RFC3: variants seen among roughly 807,000 people sequenced by gnomAD.
RFC3 encodes the protein replication factor C subunit 3, also known as A1 38 kDa subunit.
A neutral mutation model predicts 45.1 loss-of-function variants in RFC3; 41 were observed. The ratio of observed to expected loss-of-function variants is 0.91; its 90% CI spans 0.71 to 1.18. The LOEUF (loss-of-function observed/expected upper bound fraction) is 1.18, where lower values mean the gene tolerates loss of function less well. Ranked by LOEUF, RFC3 falls within the 50% of genes most tolerant of loss-of-function variation. The pLI is 0.00. For missense variants in RFC3, 423 were observed against 428.1 expected (o/e 0.99, Z 0.10); for synonymous variants, 149 against 144.0 (o/e 1.03, Z -0.25).
chr13:33,947,965 G>C (rs139211773), intron 8 of RFC3, among the ~76,000 whole-genome samples: 1 of 152,310 alleles, frequency 6.6e-6, no homozygotes, highest in East Asian at 1.9e-4. Context: ...CGATGTGATA[G>C]AAAAGAAAAC....
intron 1 of RFC3, among the ~76,000 whole-genome samples, chr13:33,819,913 T>C (rs1310948318): frequency 6.6e-6 from 1 of 152,252 alleles, no homozygotes; most frequent in East Asian, 1.9e-4. Flanking sequence ...AGTAAGTGTC[T>C]GTGGGACACT....
At chr13:33,905,335 C>T (rs2082665616) in intron 8 of RFC3, among the ~76,000 whole-genome samples, 1 of 152,030 alleles carries the variant, frequency 6.6e-6, no homozygotes, top group South Asian at 2.1e-4. Context: ...CAGGATAGGC[C>T]TACAATCACA....
At position 33,904,642 on chromosome 13, in the gene RFC3, G is replaced by A. The variant is rs138348507; in HGVS notation, c.880-61445G>A. Among the ~76,000 whole-genome samples, 135 of 152,108 alleles carry A rather than the reference G, an allele frequency of 8.9e-4. 1 individual carries two copies. In the East Asian group the frequency reaches 0.012, roughly 14 times the overall value. ...AAATGGACCAGATGGCTCTGAAAGC[G>A]TCAGGATAGAGTCCAGATTCCCTCA... On this transcript the variant is annotated intron_variant, in intron 8 of 8. Coordinates refer to the RFC3 transcript ENST00000434425.
chr13:33,975,142 C>T, the RFC3 span, among the ~76,000 whole-genome samples: 3 of 152,296 alleles, frequency 2.0e-5, no homozygotes, highest in South Asian at 4.1e-4. Context: ...GTAACCAAGA[C>T]GTCCTTCAAA....
At chr13:33,936,459 T>C (rs912039192) in intron 8 of RFC3, among the ~76,000 whole-genome samples, 13 of 152,144 alleles carry the variant, frequency 8.5e-5, no homozygotes, top group African/African-American at 3.1e-4. Flanking sequence ...TGACTTTATC[T>C]GGAAATAAGG....
chr13:33,837,156 A>C lies in RFC3; in HGVS notation c.*861A>C. The C allele has an allele frequency of 1.5e-6, 1 of 680,158 alleles. No individual in the cohort carries two copies. The highest frequency in any genetic ancestry group is 7.6e-4 in the Middle Eastern group (1 of 1,324). 42.1% of individuals were successfully genotyped at this position (680,158 alleles called of 1,614,324 possible). ...TACAGTTTGATTTTTGACCAGTGAAACTATGATCCCAATCAAGGTATAGAT... is the reference window on the plus strand; with the variant it reads ...TACAGTTTGATTTTTGACCAGTGAACCTATGATCCCAATCAAGGTATAGAT... On this transcript the variant is annotated 3_prime_UTR_variant, in exon 9 of 9. Transcript: ENST00000380071.
chr13:33,831,773 G>A (rs1268373760), intron 7 of RFC3, among the ~76,000 whole-genome samples: 1 of 152,118 alleles, frequency 6.6e-6, no homozygotes, highest in African/African-American at 2.4e-5. Context: ...TCTAGTTCTT[G>A]TCCTGAACTC....
At chr13:33,887,597 C>G (rs923605124) in intron 8 of RFC3, among the ~76,000 whole-genome samples, 1 of 152,130 alleles carries the variant, frequency 6.6e-6, no homozygotes, top group Admixed American at 6.5e-5. Context: ...CCTGTTCACT[C>G]TGATGGTAGT....
chr13:33,837,089 A>G lies in RFC3; in HGVS notation c.*794A>G. On this transcript the variant is annotated 3_prime_UTR_variant, in exon 9 of 9. Coordinates refer to ENST00000380071, the MANE Select transcript of RFC3 (RefSeq NM_002915.4). ...ACAGACTCCGAACAATTCCTTTACT[A>G]CGAAGTATAATTTATAAAATAAAAT... 1.0e-6 allele frequency: 1 copy of G among 966,948 alleles called. No individual in the cohort carries two copies. Among genetic ancestry groups the G allele is most frequent in the Non-Finnish European group, 1.2e-6 (1 of 813,152 alleles). 59.9% of individuals were successfully genotyped at this position (966,948 alleles called of 1,614,324 possible).
intron 8 of RFC3, among the ~76,000 whole-genome samples, chr13:33,921,906 A>G (rs933450246): frequency 3.3e-5 from 5 of 152,280 alleles, no homozygotes; most frequent in African/African-American, 9.6e-5. Flanking sequence ...TATAGGAGAC[A>G]GCATGGTGTT....
intron 4 of RFC3, among the ~76,000 whole-genome samples, chr13:33,829,292 C>T (rs1313901633): frequency 6.6e-6 from 1 of 152,178 alleles, no homozygotes; most frequent in Non-Finnish European, 1.5e-5. Flanking sequence ...ACATCTCTTG[C>T]ACCACTGTCT....
chr13:33,950,918 G>A (rs2082985802), intron 8 of RFC3, among the ~76,000 whole-genome samples: 1 of 151,562 alleles, frequency 6.6e-6, no homozygotes, highest in Non-Finnish European at 1.5e-5. Flanking sequence ...CCACCCACAT[G>A]TTTACTCTTC....
At chr13:33,964,318 A>G (rs1012528344) in intron 8 of RFC3, among the ~76,000 whole-genome samples, 2 of 152,224 alleles carry the variant, frequency 1.3e-5, no homozygotes, top group African/African-American at 2.4e-5. Flanking sequence ...ATTATCAATC[A>G]TAAGCTATAA....
intron 8 of RFC3, among the ~76,000 whole-genome samples, chr13:33,864,781 G>A (rs982933769): frequency 1.3e-5 from 2 of 152,016 alleles, no homozygotes; most frequent in African/African-American, 4.8e-5. Flanking sequence ...ACTTTATGGA[G>A]TTATTTGATA....
At chr13:33,858,295 A>C (rs2082319862) in intron 8 of RFC3, among the ~76,000 whole-genome samples, 1 of 152,324 alleles carries the variant, frequency 6.6e-6, no homozygotes, top group African/African-American at 2.4e-5. Context: ...CTTAATTCTC[A>C]GCTATTCCAA....
At chr13:33,952,527 T>C (rs2082997153) in intron 8 of RFC3, among the ~76,000 whole-genome samples, 1 of 152,222 alleles carries the variant, frequency 6.6e-6, no homozygotes, top group African/African-American at 2.4e-5. Context: ...CGCACAGGAA[T>C]GTTGAGCTGA....
At chr13:33,932,281 T>C (rs763083927) in intron 8 of RFC3, among the ~76,000 whole-genome samples, 3 of 152,178 alleles carry the variant, frequency 2.0e-5, no homozygotes, top group Admixed American at 6.6e-5. Context: ...AAAAAGTTAG[T>C]AATTTTTGTC....
intron 8 of RFC3, among the ~76,000 whole-genome samples, chr13:33,939,456 G>A (rs2082910019): frequency 6.6e-6 from 1 of 152,182 alleles, no homozygotes; most frequent in South Asian, 2.1e-4. Flanking sequence ...ACCCAAGAGG[G>A]TAAGGAGGCT....
chr13:33,967,891 A>G (rs1454310317), downstream of RFC3, among the ~76,000 whole-genome samples: 3 of 152,220 alleles, frequency 2.0e-5, no homozygotes, highest in Non-Finnish European at 4.4e-5. Flanking sequence ...TGATATCTTA[A>G]TTTTATTTTA....
Sources: gnomAD v4.1 joint callset for allele counts (sites outside exome capture counted in the v4.1 genomes callset) on GRCh38, gnomAD v4.1.1 for gene constraint, MANE v1.5 for transcripts, NCBI Gene and HGNC (gene_info 2026-07-23, HGNC 2026-07-21) for gene names.